The following KAZN variants were observed in gnomAD, a reference collection of about 807,000 sequenced individuals.
The protein encoded by KAZN is kazrin, periplakin interacting protein.
In KAZN, 40 loss-of-function variants were observed where a neutral mutation model predicts 87.4. That is an observed-to-expected ratio of 0.46 (90% confidence interval 0.36 to 0.60). The LOEUF is 0.60. Among genes scored for constraint, KAZN ranks in the 20% least tolerant of loss-of-function variants. The pLI, the probability that KAZN is intolerant of heterozygous loss-of-function variation, is 0.00. For synonymous variants in KAZN, 466 were observed against 458.3 expected, an observed-to-expected ratio of 1.02 and a Z score of -0.22; for missense variants, 898 against 1,073.9, an observed-to-expected ratio of 0.84 and a Z score of 2.29.
chr1:14,243,117 C>T (rs1649128079), intron 2 of KAZN, among the ~76,000 whole-genome samples: 1 of 152,190 alleles, frequency 6.6e-6, no homozygotes, highest in African/African-American at 2.4e-5. Context: ...CTCCTTGCCC[C>T]TCCACCATGC....
At chr1:14,961,268 T>C (rs1465697531) in intron 2 of KAZN, among the ~76,000 whole-genome samples, 3 of 152,184 alleles carry the variant, frequency 2.0e-5, no homozygotes, top group Non-Finnish European at 4.4e-5. Context: ...CTGGAGGACA[T>C]GTCTGTGTCC....
intron 1 of KAZN, among the ~76,000 whole-genome samples, chr1:14,815,552 A>G (rs1646538408): frequency 1.3e-5 from 2 of 152,348 alleles, no homozygotes; most frequent in African/African-American, 4.8e-5. Context: ...AGATCTGGGC[A>G]GGATATCATT....
Position 14,106,981 on chromosome 1 carries a change from TCTCCCTCC to T in KAZN, c.92-73439_92-73432del, listed in dbSNP as rs1157966988. Among the ~76,000 whole-genome samples the T allele has an allele frequency of 3.2e-4, 21 of 66,636 alleles. No homozygotes were observed. The Admixed American group carries it at 3.3e-3, about 11-fold the overall frequency. The allele number at this position is 66,636 out of a possible 152,430, so 43.7% of individuals were successfully genotyped here. On this transcript the variant is annotated intron_variant, in intron 1 of 16. Coordinates refer to the KAZN transcript ENST00000636203. Reference sequence around the variant, plus strand: ...CTCCCTCCCCGTCCCTCCCTCCTTCTCTCCCTCCCTCCCTCCCTCCCTGTCTCCCTCCC... The same window carrying T: ...CTCCCTCCCCGTCCCTCCCTCCTTCTCTCCCTCCCTCCCTGTCTCCCTCCC...
chr1:14,906,979 GTCCTCTGACC>G (rs1281482989), intron 1 of KAZN, among the ~76,000 whole-genome samples: 1 of 151,882 alleles, frequency 6.6e-6, no homozygotes, highest in Non-Finnish European at 1.5e-5. Context: ...CCCAGGATGT[GTCCTCTGACC>G]TCGCTACTCA....
chr1:14,080,672 G>A (rs1308527024), intron 1 of KAZN, among the ~76,000 whole-genome samples: 1 of 152,230 alleles, frequency 6.6e-6, no homozygotes, highest in Non-Finnish European at 1.5e-5. Context: ...GTTGATGCTG[G>A]CGTGAGCGTT....
chr1:14,239,649 AG>A (rs1176688959), intron 2 of KAZN, among the ~76,000 whole-genome samples: 1 of 151,610 alleles, frequency 6.6e-6, no homozygotes, highest in South Asian at 2.1e-4. Flanking sequence ...TAGTAGAGAC[AG>A]GGTTTCTCCA....
intron 2 of KAZN, among the ~76,000 whole-genome samples, chr1:14,303,508 G>T (rs1355223877): frequency 6.6e-6 from 1 of 152,198 alleles, no homozygotes; most frequent in African/African-American, 2.4e-5. Context: ...CTCCCAAAGT[G>T]CTGGGATTAC....
At chr1:14,702,326 C>CTT (rs146851613) in intron 1 of KAZN, among the ~76,000 whole-genome samples, 2 of 133,368 alleles carry the variant, frequency 1.5e-5, no homozygotes, top group East Asian at 2.3e-4. Flanking sequence ...TTTTGCAAAA[C>CTT]TGTGTGTGTG....
chr1:14,422,455 G>C (rs925235125), intron 2 of KAZN, among the ~76,000 whole-genome samples: 10 of 152,184 alleles, frequency 6.6e-5, no homozygotes, highest in African/African-American at 2.4e-4. Context: ...GACACTTCCA[G>C]GGTCAACCTG....
chr1:14,342,075 A>C (rs1193758427), intron 2 of KAZN, among the ~76,000 whole-genome samples: 1 of 152,196 alleles, frequency 6.6e-6, no homozygotes, highest in Non-Finnish European at 1.5e-5. Context: ...AAATGAGAAC[A>C]TGTGGTATTT....
chr1:14,366,573 C>T (rs977362786), intron 2 of KAZN, among the ~76,000 whole-genome samples: 2 of 152,228 alleles, frequency 1.3e-5, no homozygotes, highest in African/African-American at 4.8e-5. Context: ...CACTTAACCC[C>T]TTGTGGGAGG....
chr1:14,067,150 T>C (rs967612374), intron 1 of KAZN, among the ~76,000 whole-genome samples: 4 of 152,072 alleles, frequency 2.6e-5, no homozygotes, highest in African/African-American at 9.7e-5. Context: ...CCCCAAATAA[T>C]GTAAGATCTA....
chr1:14,290,946 C>T (rs1469067570), intron 2 of KAZN, among the ~76,000 whole-genome samples: 3 of 152,198 alleles, frequency 2.0e-5, no homozygotes, highest in African/African-American at 7.2e-5. Context: ...CCCTCAGCTG[C>T]AGGTCTGTTG....
intron 1 of KAZN, among the ~76,000 whole-genome samples, chr1:13,910,256 C>A (rs898877281): frequency 2.0e-5 from 3 of 152,166 alleles, no homozygotes. Flanking sequence ...CGCCTGTAAT[C>A]CCAGCACTTT....
chr1:13,894,200 G>C (rs1394666456), intron 1 of KAZN, among the ~76,000 whole-genome samples: 1 of 152,144 alleles, frequency 6.6e-6, no homozygotes, highest in East Asian at 1.9e-4. Flanking sequence ...GCCCCTGCTG[G>C]AGTAACTTCC....
At chr1:14,982,131 C>T (rs1388824295) in intron 2 of KAZN, among the ~76,000 whole-genome samples, 2 of 152,176 alleles carry the variant, frequency 1.3e-5, no homozygotes, top group African/African-American at 4.8e-5. Context: ...GCCGACTTTA[C>T]AGTTGAGGTC....
chr1:13,963,319 T>C (rs1641824088), intron 1 of KAZN, among the ~76,000 whole-genome samples: 1 of 152,194 alleles, frequency 6.6e-6, no homozygotes, highest in African/African-American at 2.4e-5. Context: ...GAATTTTTTA[T>C]TTTCTATTTT....
Position 14,942,992 on chromosome 1 carries a change from CGT to C in KAZN, c.227-17678_227-17677del, listed in dbSNP as rs36110375. On this transcript the variant is annotated intron_variant, in intron 1 of 14. Coordinates refer to ENST00000376030, the MANE Select transcript of KAZN (RefSeq NM_201628.3). Reference sequence around the variant, plus strand: ...GTTATGTTGAACTGGATGTGAGCTGCGTGTGTGTGTGTGTGGTGTGTGTGTGT... The same window carrying C: ...GTTATGTTGAACTGGATGTGAGCTGCGTGTGTGTGTGTGGTGTGTGTGTGT... Among the ~76,000 whole-genome samples, 96 of 117,660 alleles carry C rather than the reference CGT, an allele frequency of 8.2e-4. 1 individual carries two copies. The highest frequency in any genetic ancestry group is 1.8e-3 in the South Asian group (6 of 3,292). The allele number at this position is 117,660 out of a possible 152,430, so 77.2% of individuals were successfully genotyped here. A position where few individuals can be genotyped will look rare whatever the true frequency, so the allele number is the denominator to read the frequency against.
rs376675057 is a variant in KAZN at position 14,581,074 on chromosome 1, C to G, written c.250-17909C>G. 7.9e-5 allele frequency among the ~76,000 whole-genome samples: 12 copies of G among 152,220 alleles called. No homozygotes were observed. In the South Asian group the frequency reaches 2.5e-3, roughly 32 times the overall value. Reference sequence around the variant, plus strand: ...TTAGATTTCATCCACTCTTGGGCCTCTGGATAACATCTACATGCTGACACC... The same window carrying G: ...TTAGATTTCATCCACTCTTGGGCCTGTGGATAACATCTACATGCTGACACC... On this transcript the variant is annotated intron_variant, in intron 2 of 16. Coordinates refer to the KAZN transcript ENST00000636203.
Sources: gnomAD v4.1 joint callset for allele counts (sites outside exome capture counted in the v4.1 genomes callset) on GRCh38, gnomAD v4.1.1 for gene constraint, MANE v1.5 for transcripts, NCBI Gene and HGNC (gene_info 2026-07-23, HGNC 2026-07-21) for gene names.